NLGN1: variants seen among roughly 807,000 people sequenced by gnomAD.
The protein encoded by NLGN1 is neuroligin 1.
NLGN1 carries 12 observed loss-of-function variants against 65.5 expected under a neutral mutation model. The observed-to-expected ratio is 0.18, with a 90% CI of 0.12 to 0.30. The LOEUF is 0.30. Ranked by LOEUF, NLGN1 falls within the 10% of genes least tolerant of loss-of-function variation. The probability of loss-of-function intolerance (pLI) is 1.00; values close to 1 mark genes in which losing one functional copy is unlikely to be tolerated. For synonymous variants in NLGN1, 350 were observed against 359.5 expected (o/e 0.97, Z 0.30); for missense variants, 750 against 1,007.1 (o/e 0.74, Z 3.46).
chr3:173,516,178 A>AT (rs1012385639), intron 2 of NLGN1, among the ~76,000 whole-genome samples: 7 of 152,076 alleles, frequency 4.6e-5, no homozygotes, highest in African/African-American at 1.7e-4. Context: ...ATAGTGACAG[A>AT]TTTTTTAATG....
chr3:174,135,978 T>A (rs1721139664), intron 4 of NLGN1, among the ~76,000 whole-genome samples: 1 of 152,132 alleles, frequency 6.6e-6, no homozygotes, highest in African/African-American at 2.4e-5. Context: ...TATTAAATTT[T>A]AAAATTCTAC....
intron 3 of NLGN1, among the ~76,000 whole-genome samples, chr3:173,750,009 A>G (rs1028633111): frequency 6.6e-6 from 1 of 152,074 alleles, no homozygotes; most frequent in Non-Finnish European, 1.5e-5. Context: ...TCCCCTATTC[A>G]TGCCTCTGTG....
Position 174,001,610 on chromosome 3 carries a change from C to T in NLGN1, c.646+193778C>T, listed in dbSNP as rs781655245. 1.3e-5 allele frequency among the ~76,000 whole-genome samples: 2 copies of T among 152,090 alleles called. 1 individual carries two copies. The highest frequency in any genetic ancestry group is 4.2e-4 in the South Asian group (2 of 4,814). On this transcript the variant is annotated intron_variant, in intron 4 of 6. Transcript: ENST00000457714. ...ACATATATTGGTTTATATTCTGCAC[C>T]CATGCATCTCTGACCTTGTTTCCTC...
intron 2 of NLGN1, among the ~76,000 whole-genome samples, chr3:173,469,294 A>G (rs192206741): frequency 2.6e-5 from 4 of 152,160 alleles, no homozygotes; most frequent in East Asian, 3.9e-4. Flanking sequence ...AAAGAGGGCA[A>G]CTTTGTTAAT....
At chr3:174,079,333 A>G (rs1045525064) in intron 4 of NLGN1, among the ~76,000 whole-genome samples, 1 of 152,320 alleles carries the variant, frequency 6.6e-6, no homozygotes, top group Admixed American at 6.5e-5. Context: ...CAAAATCAAA[A>G]TGAGATACGA....
chr3:173,771,070 T>C (rs1448473761), intron 3 of NLGN1, among the ~76,000 whole-genome samples: 2 of 152,174 alleles, frequency 1.3e-5, no homozygotes, highest in Non-Finnish European at 2.9e-5. Flanking sequence ...TCAAATGCAC[T>C]TCCACAAAGA....
chr3:173,932,885 C>G (rs1044381190), intron 4 of NLGN1, among the ~76,000 whole-genome samples: 1 of 152,124 alleles, frequency 6.6e-6, no homozygotes. Context: ...TGTATTATAG[C>G]TTAGCTCATG....
At chr3:173,780,179 T>A (rs547663217) in intron 3 of NLGN1, among the ~76,000 whole-genome samples, 1 of 152,342 alleles carries the variant, frequency 6.6e-6, no homozygotes, top group Non-Finnish European at 1.5e-5. Flanking sequence ...GCTTCTCACT[T>A]CCATACATAA....
intron 4 of NLGN1, among the ~76,000 whole-genome samples, chr3:173,860,341 G>A: frequency 6.6e-6 from 1 of 151,116 alleles, no homozygotes; most frequent in East Asian, 1.9e-4. Context: ...TGTGTTTTGG[G>A]GTTTCCAAAT....
intron 3 of NLGN1, among the ~76,000 whole-genome samples, chr3:173,627,124 C>T (rs1416623536): frequency 2.6e-5 from 4 of 151,688 alleles, no homozygotes; most frequent in East Asian, 1.9e-4. Flanking sequence ...TTTGTTTTTT[C>T]GGTATTATTG....
intron 2 of NLGN1, among the ~76,000 whole-genome samples, chr3:173,596,856 A>G (rs1008968135): frequency 6.6e-6 from 1 of 152,036 alleles, no homozygotes; most frequent in Admixed American, 6.6e-5. Flanking sequence ...GCTTAAGTCT[A>G]TGTTTAGATT....
rs532150434 is a variant in NLGN1 at position 174,212,160 on chromosome 3, C to T, written c.647-63155C>T. On this transcript the variant is annotated intron_variant, in intron 4 of 6. Transcript: ENST00000457714. Reference sequence around the variant, plus strand: ...CCCGGTGAGAAATGGAGCACAGCGCCGGTGGGCCGGCACTGCTGGGGGACC... The same window carrying T: ...CCCGGTGAGAAATGGAGCACAGCGCTGGTGGGCCGGCACTGCTGGGGGACC... Among the ~76,000 whole-genome samples the T allele has an allele frequency of 2.5e-3, 374 of 152,320 alleles. 1 individual carries two copies. The highest frequency in any genetic ancestry group is 8.4e-3 in the African/African-American group (351 of 41,584).
At chr3:174,252,834 A>G (rs1488774861) in intron 4 of NLGN1, among the ~76,000 whole-genome samples, 1 of 152,172 alleles carries the variant, frequency 6.6e-6, no homozygotes, top group East Asian at 1.9e-4. Flanking sequence ...ATCATTTTCC[A>G]CATACTGTCT....
chr3:174,266,714 A>G (rs1748316824), intron 4 of NLGN1, among the ~76,000 whole-genome samples: 1 of 152,164 alleles, frequency 6.6e-6, no homozygotes, highest in African/African-American at 2.4e-5. Flanking sequence ...CCTTGCCAGC[A>G]TGTTATTTTT....
intron 4 of NLGN1, among the ~76,000 whole-genome samples, chr3:173,945,196 C>T (rs1407575888): frequency 1.3e-5 from 2 of 151,774 alleles, no homozygotes; most frequent in South Asian, 2.1e-4. Flanking sequence ...GGGTGTTTTC[C>T]GTCATGCCTG....
At chr3:173,675,404 C>G (rs753583615) in intron 3 of NLGN1, among the ~76,000 whole-genome samples, 2 of 151,964 alleles carry the variant, frequency 1.3e-5, no homozygotes, top group African/African-American at 2.4e-5. Flanking sequence ...TTTAATGCAT[C>G]TAGGAGCTTC....
intron 2 of NLGN1, among the ~76,000 whole-genome samples, chr3:173,502,574 C>T (rs1281346043): frequency 6.6e-6 from 1 of 152,120 alleles, no homozygotes; most frequent in South Asian, 2.1e-4. Context: ...TGTGTGTGCA[C>T]GTATGTGTGT....
chr3:174,121,746 A>ATG (rs1717824372), intron 4 of NLGN1, among the ~76,000 whole-genome samples: 1 of 152,190 alleles, frequency 6.6e-6, no homozygotes, highest in African/African-American at 2.4e-5. Context: ...AGCTTACACA[A>ATG]TGAGAACTAT....
chr3:173,643,200 C>T (rs1757685462), intron 3 of NLGN1, among the ~76,000 whole-genome samples: 1 of 152,156 alleles, frequency 6.6e-6, no homozygotes, highest in Admixed American at 6.5e-5. Context: ...TAAGAGACCT[C>T]ATATGTGCAT....
Sources: allele counts gnomAD v4.1 joint callset (sites outside exome capture counted in the v4.1 genomes callset), GRCh38; gene constraint gnomAD v4.1.1; transcripts MANE v1.5; gene names NCBI Gene and HGNC (gene_info 2026-07-23, HGNC 2026-07-21).